Variants in CDH1 observed in about 807,000 individuals in gnomAD.
CDH1 encodes the protein cadherin 1, also known as cadherin-1.
CDH1 carries 35 observed loss-of-function variants against 84.5 expected under a neutral mutation model. The observed-to-expected ratio is 0.41, with a 90% CI of 0.32 to 0.55. The LOEUF (loss-of-function observed/expected upper bound fraction) is 0.55, where lower values mean the gene tolerates loss of function less well. Among genes scored for constraint, CDH1 ranks in the 20% least tolerant of loss-of-function variants. CDH1 has a pLI of 0.19. For synonymous variants in CDH1, 417 were observed against 439.0 expected (o/e 0.95, Z 0.63); for missense variants, 994 against 1,126.6 (o/e 0.88, Z 1.68).
chr16:68,786,553 T>TTTTTTTTTGTTTTTTTTTTG (rs61598459), intron 2 of CDH1, among the ~76,000 whole-genome samples: 1 of 113,176 alleles, frequency 8.8e-6, no homozygotes. Flanking sequence ...TTTTTTTTTT[T>TTTTTTTTTGTTTTTTTTTTG]GGTATTCAGG....
intron 2 of CDH1, among the ~76,000 whole-genome samples, chr16:68,764,742 C>G (rs527674083): frequency 6.6e-6 from 1 of 152,234 alleles, no homozygotes; most frequent in South Asian, 2.1e-4. Context: ...AGGAGGGATT[C>G]CAGTGTATTT....
chr16:68,738,964 T>TTTTTTTTA (rs555202424), intron 2 of CDH1, among the ~76,000 whole-genome samples: 3,825 of 65,182 alleles, frequency 0.059, 1,270 homozygotes, highest in African/African-American at 0.094. Context: ...TTTTTTTTTT[T>TTTTTTTTA]AAAGACAGGG....
intron 4 of CDH1, 47 bp downstream of exon 4, chr16:68,808,614 A>G (rs1436989542): frequency 1.9e-6 from 3 of 1,613,568 alleles, no homozygotes; most frequent in Non-Finnish European, 2.5e-6. Flanking sequence ...TTGGCAGAGA[A>G]GTACCAAGGA....
At chr16:68,821,947 TG>T in intron 11 of CDH1, 53 bp from the exon 12 acceptor site, 1 of 1,380,884 alleles carries the variant, frequency 7.2e-7, no homozygotes, top group Non-Finnish European at 1.0e-6. Context: ...TGGAAGGCAA[TG>T]GGGATTCATT....
intron 2 of CDH1, among the ~76,000 whole-genome samples, chr16:68,795,432 G>A (rs776733464): frequency 3.3e-5 from 5 of 152,114 alleles, no homozygotes; most frequent in Non-Finnish European, 7.3e-5. Context: ...CCTTGGCTTC[G>A]CAAAATGGTG....
In CDH1 at chr16:68,813,245, G is replaced by GC. The variant is rs1427948098; in HGVS notation, c.1138-63dup. ...ACAACAAAAAAAGAGGAATCCTTTAGCCCCCTGAGACTCAGCTCTGCTAGC... is the reference window on the plus strand; with the variant it reads ...ACAACAAAAAAAGAGGAATCCTTTAGCCCCCCTGAGACTCAGCTCTGCTAGC... On this transcript the variant is annotated intron_variant, in intron 8 of 15. Transcript: ENST00000261769. 13 of 1,470,096 alleles carry GC rather than the reference G, an allele frequency of 8.8e-6. No individual in the cohort carries two copies. The East Asian group carries it at 1.1e-4, about 13-fold the overall frequency. The allele number at this position is 1,470,096 out of a possible 1,614,324, so 91.1% of individuals were successfully genotyped here.
intron 2 of CDH1, among the ~76,000 whole-genome samples, chr16:68,799,404 G>A (rs765812349): frequency 2.0e-5 from 3 of 152,290 alleles, no homozygotes; most frequent in South Asian, 2.1e-4. Context: ...AGCTCCCTTC[G>A]TATGAACGAG....
Position 68,813,502 on chromosome 16 carries a change from A to G in CDH1, c.1320+7A>G, listed in dbSNP as rs2152133696. 6.2e-7 allele frequency: 1 copy of G among 1,613,920 alleles called. No individual in the cohort carries two copies. Among genetic ancestry groups the G allele is most frequent in the Non-Finnish European group, 8.5e-7 (1 of 1,179,784 alleles). ...CATTTTGAAAACAGCAAAGGTTTGT[A>G]TGGTACCTGGCAAGATGCAGAAACT... On this transcript the variant is annotated splice_region_variant and intron_variant, in intron 9 of 15. Coordinates refer to ENST00000261769, the MANE Select transcript of CDH1 (RefSeq NM_004360.5).
chr16:68,835,183 G>A lies in CDH1; in HGVS notation c.*1684G>A, dbSNP rs926950008. On this transcript the variant is annotated 3_prime_UTR_variant, in exon 16 of 16. Coordinates refer to ENST00000261769, the MANE Select transcript of CDH1 (RefSeq NM_004360.5). ...TGTGGCCCTAAAGGGGGTTAGTTGAGGGGTAGGGGGTAGTGAGGATCTTGA... is the reference window on the plus strand; with the variant it reads ...TGTGGCCCTAAAGGGGGTTAGTTGAAGGGTAGGGGGTAGTGAGGATCTTGA... 10 of 231,152 alleles carry A rather than the reference G, an allele frequency of 4.3e-5. No homozygotes were observed. The highest frequency in any genetic ancestry group is 2.2e-4 in the African/African-American group (10 of 45,204). The allele number at this position is 231,152 out of a possible 1,614,324, so 14.3% of individuals were successfully genotyped here.
At chr16:68,773,918 T>C (rs1359797490) in intron 2 of CDH1, among the ~76,000 whole-genome samples, 1 of 152,076 alleles carries the variant, frequency 6.6e-6, no homozygotes. Flanking sequence ...AGAATAATGT[T>C]TTATTTATTT....
intron 2 of CDH1, chr16:68,763,620 T>C (rs552466302): frequency 6.6e-6 from 1 of 151,792 alleles, no homozygotes; most frequent in African/African-American, 2.4e-5. Context: ...TGCGGAGGGG[T>C]CTCCTTCCCT....
intron 8 of CDH1, among the ~76,000 whole-genome samples, chr16:68,812,821 C>T (rs1011729330): frequency 1.3e-5 from 2 of 152,090 alleles, no homozygotes; most frequent in Non-Finnish European, 2.9e-5. Context: ...CTGGTGGATC[C>T]CTTGAGGATG....
intron 2 of CDH1, among the ~76,000 whole-genome samples, chr16:68,743,798 A>T (rs1051762777): frequency 1.3e-5 from 2 of 152,222 alleles, no homozygotes; most frequent in African/African-American, 4.8e-5. Context: ...CTAGGTTTGA[A>T]TTTTAGCCAC....
chr16:68,810,791 G>T (rs112735748), intron 6 of CDH1, among the ~76,000 whole-genome samples: 1 of 151,882 alleles, frequency 6.6e-6, no homozygotes, highest in Admixed American at 6.6e-5. Context: ...GCTTGAACCC[G>T]GGAGGCGGGG....
chr16:68,758,549 G>A (rs1468051069), intron 2 of CDH1, among the ~76,000 whole-genome samples: 2 of 151,700 alleles, frequency 1.3e-5, no homozygotes, highest in Admixed American at 6.6e-5. Context: ...GATTGTGCCC[G>A]TGAATAGTTA....
At chr16:68,780,526 G>C (rs913876147) in intron 2 of CDH1, among the ~76,000 whole-genome samples, 5 of 152,084 alleles carry the variant, frequency 3.3e-5, no homozygotes, top group African/African-American at 1.2e-4. Flanking sequence ...CTGATTTCAA[G>C]TGATCTACCC....
intron 2 of CDH1, among the ~76,000 whole-genome samples, chr16:68,756,301 T>C (rs1039267973): frequency 1.2e-4 from 18 of 152,136 alleles, no homozygotes; most frequent in African/African-American, 4.3e-4. Flanking sequence ...GGGAGAGTTG[T>C]GGCTTTCCTA....
intron 2 of CDH1, among the ~76,000 whole-genome samples, chr16:68,755,282 CA>C (rs1188775959): frequency 0.099 from 9,443 of 95,734 alleles, 302 homozygotes; most frequent in South Asian, 0.16. Flanking sequence ...GACTCTGTCT[CA>C]AAAAAAAAAA....
intron 5 of CDH1, chr16:68,809,129 A>C (rs898404897): frequency 6.3e-6 from 3 of 475,944 alleles, no homozygotes; most frequent in Non-Finnish European, 7.7e-6. Flanking sequence ...TGGGGCTGGA[A>C]GTCCCTGACC....
Sources: allele counts gnomAD v4.1 joint callset (sites outside exome capture counted in the v4.1 genomes callset), GRCh38; gene constraint gnomAD v4.1.1; transcripts MANE v1.5; gene names NCBI Gene and HGNC (gene_info 2026-07-23, HGNC 2026-07-21).